EIF2AK3: variants seen among roughly 807,000 people sequenced by gnomAD.
EIF2AK3 encodes the protein eukaryotic translation initiation factor 2-alpha kinase 3.
In EIF2AK3, 50 loss-of-function variants were observed where a neutral mutation model predicts 113.5. That is an observed-to-expected ratio of 0.44 (90% CI 0.35 to 0.56). The LOEUF is 0.56. Among genes scored for constraint, EIF2AK3 ranks in the 20% least tolerant of loss-of-function variants. The probability of loss-of-function intolerance (pLI) is 0.00; values close to 1 mark genes in which losing one functional copy is unlikely to be tolerated. For synonymous variants in EIF2AK3, 448 were observed against 495.4 expected (o/e 0.90, Z 1.27); for missense variants, 1,185 against 1,378.0 (o/e 0.86, Z 2.22).
chr2:88,607,381 A>G (rs1458034059), intron 2 of EIF2AK3, among the ~76,000 whole-genome samples: 3 of 152,344 alleles, frequency 2.0e-5, no homozygotes, highest in Admixed American at 6.5e-5. Flanking sequence ...ACTGGCAAAA[A>G]TATTATGCTT....
chr2:88,598,874 A>G (rs986614187), intron 2 of EIF2AK3, among the ~76,000 whole-genome samples: 1 of 152,186 alleles, frequency 6.6e-6, no homozygotes, highest in African/African-American at 2.4e-5. Context: ...GCCATGATGC[A>G]TATTTAACTT....
chr2:88,604,122 T>A (rs1049787891), intron 2 of EIF2AK3, among the ~76,000 whole-genome samples: 9 of 152,194 alleles, frequency 5.9e-5, no homozygotes, highest in African/African-American at 1.2e-4. Context: ...TTTCTGCTGT[T>A]GTTTCAGTCC....
At chr2:88,613,931 A>G in intron 1 of EIF2AK3, 78 bp from the exon 2 acceptor site, 1 of 1,343,808 alleles carries the variant, frequency 7.4e-7, no homozygotes, top group Non-Finnish European at 1.0e-6. Flanking sequence ...TCAAAAGAAA[A>G]CCAGCCCATG....
chr2:88,565,556 G>A (rs764981318), intron 14 of EIF2AK3, among the ~76,000 whole-genome samples: 20 of 151,654 alleles, frequency 1.3e-4, no homozygotes, highest in East Asian at 1.9e-4. Flanking sequence ...TGCCCAGGCC[G>A]GTCTCGAACT....
At chr2:88,615,842 T>G (rs1385665957) in intron 1 of EIF2AK3, among the ~76,000 whole-genome samples, 1 of 152,180 alleles carries the variant, frequency 6.6e-6, no homozygotes, top group Non-Finnish European at 1.5e-5. Context: ...GTTGAACTAT[T>G]TCTAATCAAG....
At position 88,608,192 on chromosome 2, in the gene EIF2AK3, G is replaced by C. The variant is rs377284036; in HGVS notation, c.438+5532C>G. On this transcript the variant is annotated intron_variant, in intron 2 of 16. Transcript: ENST00000303236. The stretch of plus-strand genomic sequence containing the variant: ...GCTTCTCAGATTAATAAGTAACTTT[G>C]ATAGTTGCAGAGAATACATCTTCTC... Among the ~76,000 whole-genome samples the C allele has an allele frequency of 2.8e-4, 42 of 152,226 alleles. No individual in the cohort carries two copies. In the South Asian group the frequency reaches 7.5e-3, roughly 27 times the overall value.
At chr2:88,576,419 C>T in intron 12 of EIF2AK3, 135 bp downstream of exon 12, 7 of 1,337,320 alleles carry the variant, frequency 5.2e-6, no homozygotes, top group Non-Finnish European at 7.1e-6. Flanking sequence ...GGCTAGAGAA[C>T]TTTTCAAAAC....
intron 2 of EIF2AK3, among the ~76,000 whole-genome samples, chr2:88,604,283 C>T (rs1244938785): frequency 6.6e-6 from 1 of 152,174 alleles, no homozygotes; most frequent in African/African-American, 2.4e-5. Flanking sequence ...CTGCTCTCTC[C>T]CAACCCTCAT....
chr2:88,588,079 C>T lies in EIF2AK3; in HGVS notation c.1332G>A (p.Leu444=), dbSNP rs779731596. The T allele has an allele frequency of 2.3e-5, 35 of 1,520,544 alleles. No homozygotes were observed. The highest frequency in any genetic ancestry group is 2.7e-5 in the Non-Finnish European group (30 of 1,103,672). The allele number at this position is 1,520,544 out of a possible 1,614,324, so 94.2% of individuals were successfully genotyped here. A position where few individuals can be genotyped will look rare whatever the true frequency, so the allele number is the denominator to read the frequency against. ...ATTTGTCAAATTCATCAGATCCTAC[C>T]AAGACAGGAGTTCTGGAAGGAGAAT... ...LIHSPSRTPV[L]VGSDEFDKCL... Residue 444 remains leucine (L), a synonymous_variant, in exon 8 of 17, where the codon TTG becomes TTA. Coordinates refer to ENST00000303236, the MANE Select transcript of EIF2AK3 (RefSeq NM_004836.7).
chr2:88,571,157 T>C, intron 13 of EIF2AK3, 116 bp from the exon 14 acceptor site: 1 of 1,265,762 alleles, frequency 7.9e-7, no homozygotes, highest in Non-Finnish European at 1.1e-6. Flanking sequence ...TTTTCAAGCA[T>C]ATTTCTTTTT....
At chr2:88,572,335 A>G (rs910835286) in intron 13 of EIF2AK3, among the ~76,000 whole-genome samples, 1 of 152,200 alleles carries the variant, frequency 6.6e-6, no homozygotes, top group African/African-American at 2.4e-5. Context: ...CAGCAGAAGT[A>G]TCTTGACTTT....
intron 1 of EIF2AK3, among the ~76,000 whole-genome samples, chr2:88,619,796 A>T (rs1573426252): frequency 6.6e-6 from 1 of 152,116 alleles, no homozygotes; most frequent in Non-Finnish European, 1.5e-5. Flanking sequence ...TCTACTAAAA[A>T]TACAAAAGTA....
chr2:88,623,350 A>T (rs1484970004), intron 1 of EIF2AK3, among the ~76,000 whole-genome samples: 2 of 152,226 alleles, frequency 1.3e-5, no homozygotes. Flanking sequence ...CCAGAAAAAC[A>T]AGTTTATTTT....
intron 14 of EIF2AK3, among the ~76,000 whole-genome samples, chr2:88,565,592 C>A (rs1219004778): frequency 2.0e-5 from 3 of 151,932 alleles, no homozygotes; most frequent in Admixed American, 2.0e-4. Context: ...TCCACCTGTC[C>A]CAAAGTGCTG....
intron 9 of EIF2AK3, among the ~76,000 whole-genome samples, chr2:88,585,258 T>C (rs1329472235): frequency 6.6e-6 from 1 of 152,018 alleles, no homozygotes; most frequent in Non-Finnish European, 1.5e-5. Flanking sequence ...TTCATGGCTT[T>C]CGTGACTGCA....
chr2:88,600,245 G>A (rs1051872540), intron 2 of EIF2AK3, among the ~76,000 whole-genome samples: 2 of 152,148 alleles, frequency 1.3e-5, no homozygotes, highest in African/African-American at 4.8e-5. Flanking sequence ...TTTTCCTTGA[G>A]AGCCACAGAA....
intron 2 of EIF2AK3, among the ~76,000 whole-genome samples, chr2:88,600,090 A>G (rs891295000): frequency 6.6e-6 from 1 of 152,202 alleles, no homozygotes; most frequent in African/African-American, 2.4e-5. Flanking sequence ...TCATCATGTC[A>G]TATTTCTGGA....
At chr2:88,573,008 T>C (rs571995875) in intron 13 of EIF2AK3, among the ~76,000 whole-genome samples, 1 of 151,602 alleles carries the variant, frequency 6.6e-6, no homozygotes, top group Admixed American at 6.6e-5. Flanking sequence ...GACCAAAATA[T>C]AACAGGGGGA....
chr2:88,597,473 T>G (rs2104448400), intron 2 of EIF2AK3, among the ~76,000 whole-genome samples: 1 of 152,318 alleles, frequency 6.6e-6, no homozygotes. Flanking sequence ...CAAAATCCTT[T>G]AGAGGACATT....
Sources: allele counts gnomAD v4.1 joint callset (sites outside exome capture counted in the v4.1 genomes callset), GRCh38; gene constraint gnomAD v4.1.1; transcripts MANE v1.5; gene names NCBI Gene and HGNC (gene_info 2026-07-23, HGNC 2026-07-21).